Variants in FBXL7 observed in about 807,000 individuals in gnomAD.
The protein encoded by FBXL7 is F-box and leucine rich repeat protein 7.
A neutral mutation model predicts 38.3 loss-of-function variants in FBXL7; 12 were observed. That is an observed-to-expected ratio of 0.31 (90% CI 0.20 to 0.51). The LOEUF (loss-of-function observed/expected upper bound fraction) is 0.51, where lower values mean the gene tolerates loss of function less well. FBXL7 is among the 20% of genes least tolerant of loss of function. The pLI is 0.98. For missense variants in FBXL7, 567 were observed against 676.4 expected (o/e 0.84, Z 1.79); for synonymous variants, 297 against 300.9 (o/e 0.99, Z 0.13).
At chr5:15,508,063 A>T (rs1736694754) in intron 1 of FBXL7, among the ~76,000 whole-genome samples, 1 of 152,124 alleles carries the variant, frequency 6.6e-6, no homozygotes, top group Non-Finnish European at 1.5e-5. Flanking sequence ...ATATATCTTA[A>T]GTCAAAAATG....
chr5:15,514,172 C>A lies in FBXL7; in HGVS notation c.37+13459C>A, dbSNP rs146828336. 1.8e-3 allele frequency among the ~76,000 whole-genome samples: 278 copies of A among 152,286 alleles called. 1 individual carries two copies. Among genetic ancestry groups the A allele is most frequent in the African/African-American group, 6.4e-3 (266 of 41,548 alleles). ...ACTTCCAATAAGGAAAATTGCCTCA[C>A]AAGGGGGAGCATGGGTAATAAAGAT... On this transcript the variant is annotated intron_variant, in intron 1 of 3. Transcript: ENST00000504595.
chr5:15,501,666 G>A (rs1357069368), intron 1 of FBXL7: 33 of 985,366 alleles, frequency 3.3e-5, no homozygotes, highest in Non-Finnish European at 4.0e-5. Context: ...TATTCAGCCT[G>A]TGGCCTGGAG....
intron 2 of FBXL7, among the ~76,000 whole-genome samples, chr5:15,634,486 T>C (rs1298388477): frequency 7.1e-6 from 1 of 141,384 alleles, no homozygotes; most frequent in Non-Finnish European, 1.5e-5. Context: ...CATGCCTGGC[T>C]AATTTTTGTA....
chr5:15,895,586 C>T (rs888627726), intron 2 of FBXL7, among the ~76,000 whole-genome samples: 9 of 150,946 alleles, frequency 6.0e-5, no homozygotes, highest in African/African-American at 2.2e-4. Flanking sequence ...AACTCTGTTG[C>T]CTTACAAATG....
chr5:15,917,377 A>G (rs1741610075), intron 2 of FBXL7, among the ~76,000 whole-genome samples: 1 of 152,288 alleles, frequency 6.6e-6, no homozygotes, highest in East Asian at 1.9e-4. Flanking sequence ...GTTGGAGGCT[A>G]AGGTGGCAAG....
chr5:15,866,746 G>A (rs930677547), intron 2 of FBXL7, among the ~76,000 whole-genome samples: 3 of 137,516 alleles, frequency 2.2e-5, no homozygotes, highest in African/African-American at 5.4e-5. Context: ...CCACTTATAA[G>A]TGAGAATATG....
At chr5:15,708,377 C>T (rs377219594) in intron 2 of FBXL7, among the ~76,000 whole-genome samples, 7 of 152,192 alleles carry the variant, frequency 4.6e-5, no homozygotes, top group African/African-American at 1.7e-4. Context: ...TATGTCTTAG[C>T]AGATGTAAAG....
intron 2 of FBXL7, among the ~76,000 whole-genome samples, chr5:15,616,806 TTC>T (rs760363331): frequency 2.6e-5 from 4 of 152,354 alleles, no homozygotes; most frequent in South Asian, 2.1e-4. Flanking sequence ...TTAAATGACT[TTC>T]TGTCTGAAAA....
intron 1 of FBXL7, among the ~76,000 whole-genome samples, chr5:15,554,069 G>A (rs1350784545): frequency 6.6e-6 from 1 of 152,150 alleles, no homozygotes; most frequent in African/African-American, 2.4e-5. Flanking sequence ...GAATTGGCTT[G>A]ATATTGCCTC....
chr5:15,584,344 T>C (rs141066307), intron 1 of FBXL7, among the ~76,000 whole-genome samples: 3,783 of 152,314 alleles, frequency 0.025, 165 homozygotes, highest in African/African-American at 0.085. Flanking sequence ...ATGGCCAGGC[T>C]GCAAATTTTC....
chr5:15,869,709 A>G (rs1368359466), intron 2 of FBXL7, among the ~76,000 whole-genome samples: 4 of 152,158 alleles, frequency 2.6e-5, no homozygotes, highest in African/African-American at 7.2e-5. Context: ...ATATTTTGTC[A>G]TGAAGTGTTT....
intron 1 of FBXL7, among the ~76,000 whole-genome samples, chr5:15,594,798 C>G (rs1473978073): frequency 6.6e-6 from 1 of 152,242 alleles, no homozygotes; most frequent in African/African-American, 2.4e-5. Context: ...AATGACCTCT[C>G]TTCTTTGCAT....
chr5:15,708,363 C>T (rs962855133), intron 2 of FBXL7, among the ~76,000 whole-genome samples: 1 of 152,182 alleles, frequency 6.6e-6, no homozygotes, highest in African/African-American at 2.4e-5. Context: ...CTGCTTTCTG[C>T]CTATATGTCT....
intron 2 of FBXL7, among the ~76,000 whole-genome samples, chr5:15,631,234 T>C (rs909526721): frequency 6.6e-6 from 1 of 152,232 alleles, no homozygotes; most frequent in Non-Finnish European, 1.5e-5. Flanking sequence ...CTGAATTCAA[T>C]TCAGTTATAT....
At chr5:15,725,232 G>A (rs1183214012) in intron 2 of FBXL7, among the ~76,000 whole-genome samples, 1 of 152,024 alleles carries the variant, frequency 6.6e-6, no homozygotes, top group Non-Finnish European at 1.5e-5. Context: ...TCAGGTTGTT[G>A]ATTTGAGATC....
At chr5:15,752,870 C>T (rs1012560899) in intron 2 of FBXL7, among the ~76,000 whole-genome samples, 1 of 152,312 alleles carries the variant, frequency 6.6e-6, no homozygotes, top group East Asian at 1.9e-4. Flanking sequence ...CTGTAAACTA[C>T]TTCAGGGACC....
chr5:15,828,184 C>G (rs749842111), intron 2 of FBXL7, among the ~76,000 whole-genome samples: 5 of 152,156 alleles, frequency 3.3e-5, no homozygotes, highest in Non-Finnish European at 7.4e-5. Context: ...ATTAAAAACA[C>G]ATCAAACATT....
intron 1 of FBXL7, among the ~76,000 whole-genome samples, chr5:15,610,048 G>A (rs1740175468): frequency 1.3e-5 from 2 of 152,070 alleles, no homozygotes; most frequent in African/African-American, 4.8e-5. Context: ...CAAGTGAAAG[G>A]GGAAAACACT....
At chr5:15,718,246 G>C (rs1309742770) in intron 2 of FBXL7, among the ~76,000 whole-genome samples, 1 of 152,126 alleles carries the variant, frequency 6.6e-6, no homozygotes, top group East Asian at 1.9e-4. Flanking sequence ...TTGATATATA[G>C]ATGTTTATTG....
Sources: gnomAD v4.1 joint callset for allele counts (sites outside exome capture counted in the v4.1 genomes callset) on GRCh38, gnomAD v4.1.1 for gene constraint, MANE v1.5 for transcripts, NCBI Gene and HGNC (gene_info 2026-07-23, HGNC 2026-07-21) for gene names.